The following DPP6 variants were observed in gnomAD, a reference collection of about 807,000 sequenced individuals.
The protein encoded by DPP6 is A-type potassium channel modulatory protein DPP6.
A neutral mutation model predicts 122.6 loss-of-function variants in DPP6; 69 were observed. That is an observed-to-expected ratio of 0.56 (90% CI 0.46 to 0.69). The LOEUF is 0.69. Among genes scored for constraint, DPP6 ranks in the 30% least tolerant of loss-of-function variants. The pLI is 0.00. For missense variants in DPP6, 928 were observed against 1,116.9 expected, an observed-to-expected ratio of 0.83 and a Z score of 2.41; for synonymous variants, 418 against 433.1, an observed-to-expected ratio of 0.97 and a Z score of 0.43.
chr7:154,385,609 G>A (rs1814035564), intron 1 of DPP6, among the ~76,000 whole-genome samples: 2 of 152,186 alleles, frequency 1.3e-5, no homozygotes. Flanking sequence ...GTTGTCATGA[G>A]GTTCAGCTGC....
chr7:153,952,196 T>C (rs1464106950), intron 1 of DPP6, among the ~76,000 whole-genome samples: 4 of 152,236 alleles, frequency 2.6e-5, no homozygotes, highest in Non-Finnish European at 5.9e-5. Context: ...GTGAAAAGAA[T>C]AGTGTTTTAA....
chr7:154,800,504 G>A (rs745962017), intron 12 of DPP6, among the ~76,000 whole-genome samples: 1 of 152,136 alleles, frequency 6.6e-6, no homozygotes, highest in South Asian at 2.1e-4. Context: ...ATCCTTTTTC[G>A]CCCATCAAAG....
chr7:154,516,535 C>T (rs939579332), intron 3 of DPP6, among the ~76,000 whole-genome samples: 8 of 152,002 alleles, frequency 5.3e-5, no homozygotes, highest in Non-Finnish European at 1.0e-4. Context: ...CTGATTCCTA[C>T]GAAAGAGGAA....
intron 6 of DPP6, among the ~76,000 whole-genome samples, chr7:154,663,269 T>G (rs1837885238): frequency 1.6e-5 from 1 of 60,714 alleles, no homozygotes; most frequent in Admixed American, 2.3e-4. Flanking sequence ...GCCGTAGTGT[T>G]CATATAGTCA....
chr7:154,050,236 TTTAA>T (rs201325976), upstream of DPP6, among the ~76,000 whole-genome samples: 10 of 152,136 alleles, frequency 6.6e-5, no homozygotes, highest in African/African-American at 1.2e-4. Flanking sequence ...TCTTAGATAA[TTTAA>T]TTGAGATTTT....
At chr7:154,082,628 G>T (rs1052052004) in intron 1 of DPP6, among the ~76,000 whole-genome samples, 1 of 151,794 alleles carries the variant, frequency 6.6e-6, no homozygotes, top group Non-Finnish European at 1.5e-5. Flanking sequence ...CCTTTCTTAG[G>T]TAACCACCGC....
At chr7:153,814,455 G>A in the DPP6 span, among the ~76,000 whole-genome samples, 1 of 152,082 alleles carries the variant, frequency 6.6e-6, no homozygotes, top group Non-Finnish European at 1.5e-5. Context: ...CTGAAATTGT[G>A]GCAATAATCA....
chr7:153,829,246 T>C, the DPP6 span, among the ~76,000 whole-genome samples: 120,919 of 152,082 alleles, frequency 0.8, 48,365 homozygotes, highest in African/African-American at 0.89. Flanking sequence ...CAGAGACTCG[T>C]TCTGTCCCTT....
At chr7:154,777,527 A>G (rs1445095882) in intron 10 of DPP6, among the ~76,000 whole-genome samples, 1 of 152,102 alleles carries the variant, frequency 6.6e-6, no homozygotes, top group East Asian at 1.9e-4. Flanking sequence ...TGTGGTTTCT[A>G]TGCTTTCACA....
chr7:154,345,721 A>G (rs1322019915), intron 1 of DPP6, among the ~76,000 whole-genome samples: 1 of 152,040 alleles, frequency 6.6e-6, no homozygotes, highest in African/African-American at 2.4e-5. Flanking sequence ...ACTCTGCCAT[A>G]TGCATCCATA....
At chr7:154,269,818 T>A (rs1803672898) in intron 1 of DPP6, among the ~76,000 whole-genome samples, 1 of 152,102 alleles carries the variant, frequency 6.6e-6, no homozygotes, top group African/African-American at 2.4e-5. Context: ...AGGTACAAAT[T>A]TGGAAATCTA....
the DPP6 span, among the ~76,000 whole-genome samples, chr7:153,804,083 T>C: frequency 6.6e-6 from 1 of 151,090 alleles, no homozygotes; most frequent in Non-Finnish European, 1.5e-5. Flanking sequence ...TGAGTCTTAC[T>C]CTGTTGCTCA....
At chr7:154,177,907 G>A (rs1006701611) in intron 1 of DPP6, among the ~76,000 whole-genome samples, 8 of 152,318 alleles carry the variant, frequency 5.3e-5, no homozygotes, top group African/African-American at 1.9e-4. Context: ...AGAAACATGA[G>A]GCCCAGAGAG....
chr7:154,457,213 A>G (rs1379034403), intron 2 of DPP6, among the ~76,000 whole-genome samples: 1 of 68,144 alleles, frequency 1.5e-5, no homozygotes, highest in Non-Finnish European at 2.9e-5. Context: ...CAAAAAACAC[A>G]TGAAGAAATG....
chr7:154,280,855 A>G (rs1804455884), intron 1 of DPP6, among the ~76,000 whole-genome samples: 1 of 152,172 alleles, frequency 6.6e-6, no homozygotes, highest in African/African-American at 2.4e-5. Flanking sequence ...TAGCCATCCC[A>G]CGAGGTAACC....
chr7:153,932,222 G>A (rs921638868), intron 1 of DPP6, among the ~76,000 whole-genome samples: 4 of 150,496 alleles, frequency 2.7e-5, no homozygotes, highest in Non-Finnish European at 4.4e-5. Context: ...CCGGGTTCAA[G>A]CAATTCTCCT....
At chr7:154,340,449 C>G (rs1364254125) in intron 1 of DPP6, among the ~76,000 whole-genome samples, 1 of 152,160 alleles carries the variant, frequency 6.6e-6, no homozygotes, top group Non-Finnish European at 1.5e-5. Context: ...GCTGTGTGGC[C>G]GTCTTGAAGG....
chr7:154,058,505 GGGACTGAGAGCCAA>G, intron 1 of DPP6: 1 of 142,496 alleles, frequency 7.0e-6, no homozygotes, highest in Admixed American at 6.8e-5. Flanking sequence ...CCGCGAGGCA[GGGACTGAGAGCCAA>G]CCCCTGGTTC....
intron 16 of DPP6, among the ~76,000 whole-genome samples, chr7:154,819,180 C>T (rs1039900108): frequency 6.6e-6 from 1 of 152,070 alleles, no homozygotes; most frequent in Non-Finnish European, 1.5e-5. Context: ...TTTGGAAGGC[C>T]GAGGCAGACA....
Sources: allele counts gnomAD v4.1 joint callset (sites outside exome capture counted in the v4.1 genomes callset), GRCh38; gene constraint gnomAD v4.1.1; transcripts MANE v1.5; gene names NCBI Gene and HGNC (gene_info 2026-07-23, HGNC 2026-07-21).